Variants in DNAH8 observed in about 807,000 individuals in gnomAD.
The protein encoded by DNAH8 is axonemal beta dynein heavy chain 8.
Under a neutral mutation model 562.1 loss-of-function variants are expected in DNAH8, and 382 were observed. The observed-to-expected ratio is 0.68, with a 90% CI of 0.63 to 0.74. The LOEUF is 0.74. Ranked by LOEUF, DNAH8 falls within the 30% of genes least tolerant of loss-of-function variation. DNAH8 has a pLI of 0.00. For synonymous variants in DNAH8, 1,881 were observed against 1,919.4 expected (o/e 0.98, Z 0.52); for missense variants, 5,203 against 5,620.4 (o/e 0.93, Z 2.37).
chr6:38,868,470 A>G (rs747244063), intron 48 of DNAH8, among the ~76,000 whole-genome samples: 3 of 152,222 alleles, frequency 2.0e-5, no homozygotes, highest in Non-Finnish European at 4.4e-5. Context: ...GTTGTCTACC[A>G]TTATTCACAA....
chr6:38,812,296 C>G (rs117530310), intron 24 of DNAH8, among the ~76,000 whole-genome samples: 3 of 152,294 alleles, frequency 2.0e-5, no homozygotes, highest in East Asian at 1.9e-4. Context: ...TTCTCATGTC[C>G]TTTATCTCCC....
chr6:38,875,616 T>A lies in DNAH8; in HGVS notation c.7646T>A (p.Ile2549Asn), dbSNP rs1194541957. 6.2e-7 allele frequency: 1 copy of A among 1,610,986 alleles called. No homozygotes were observed. The highest frequency in any genetic ancestry group is 2.2e-5 in the East Asian group (1 of 44,792). ...TCTCTCAATCTTCTGGAAGGGTTAATTCCCTCCAAAGAAGAAGGCGGTGTT... is the reference window on the plus strand; with the variant it reads ...TCTCTCAATCTTCTGGAAGGGTTAAATCCCTCCAAAGAAGAAGGCGGTGTT... ...VQSLNLLEGL[I>N]PSKEEGGVSC... The change falls in exon 53 of 93, where the codon ATT becomes AAT. Residue 2549 changes from isoleucine to asparagine, a missense_variant. Physicochemically the swap from Ile to Asn is moderately radical, Grantham distance 149. Around this residue, in one of 6 missense-constraint regions of DNAH8, gnomAD observed 977 missense variants for 1,061.8 expected, o/e 0.92. Coordinates refer to ENST00000327475, the MANE Select transcript of DNAH8 (RefSeq NM_001206927.2).
rs1253362140 is a variant in DNAH8, at chr6:38,873,750, ACACACACACACACACACACC to A, written c.7620+376_7620+395del. On this transcript the variant is annotated intron_variant, in intron 52 of 92. Transcript: ENST00000327475. ...CCTACACACACACACACACACACACACACACACACACACACACACCCCTGCACTCCAGCTGGGGCGACAGA... is the reference window on the plus strand; with the variant it reads ...CCTACACACACACACACACACACACACCTGCACTCCAGCTGGGGCGACAGA... 1.0e-3 allele frequency among the ~76,000 whole-genome samples: 123 copies of A among 118,466 alleles called. 1 individual carries two copies. Among genetic ancestry groups the A allele is most frequent in the African/African-American group, 2.8e-3 (100 of 35,204 alleles). The allele number at this position is 118,466 out of a possible 152,430, so 77.7% of individuals were successfully genotyped here.
intron 57 of DNAH8, among the ~76,000 whole-genome samples, chr6:38,888,798 T>C (rs923179792): frequency 6.6e-6 from 1 of 152,236 alleles, no homozygotes; most frequent in Non-Finnish European, 1.5e-5. Context: ...TAGTGTCAGT[T>C]GCTACAAACC....
chr6:38,725,358 A>T (rs1164067679), intron 3 of DNAH8, among the ~76,000 whole-genome samples: 1 of 133,256 alleles, frequency 7.5e-6, no homozygotes, highest in African/African-American at 2.8e-5. Context: ...CCCTTGCTTG[A>T]TACAGTGCAT....
At chr6:38,728,609 C>G (rs1438819756) in intron 3 of DNAH8, among the ~76,000 whole-genome samples, 1 of 152,074 alleles carries the variant, frequency 6.6e-6, no homozygotes, top group African/African-American at 2.4e-5. Flanking sequence ...GCTTTTGTCC[C>G]TTTTAGGTGG....
chr6:38,921,620 C>T (rs955206567), intron 71 of DNAH8, 114 bp downstream of exon 71: 318 of 1,189,236 alleles, frequency 2.7e-4, no homozygotes, highest in Admixed American at 2.7e-4. Flanking sequence ...GCCAGCATGC[C>T]TATCTGCTTT....
chr6:38,914,392 CTTTTTTTTTTTTTTTTTT>C (rs66765653), intron 67 of DNAH8, among the ~76,000 whole-genome samples: 1 of 63,990 alleles, frequency 1.6e-5, no homozygotes, highest in Non-Finnish European at 2.7e-5. Flanking sequence ...TGCTTTTTCT[CTTTTTTTTTTTTTTTTTT>C]TTTTTTTTGA....
At chr6:39,013,886 G>A (rs1348790955) in intron 91 of DNAH8, among the ~76,000 whole-genome samples, 5 of 143,970 alleles carry the variant, frequency 3.5e-5, no homozygotes, top group Middle Eastern at 3.5e-3. Flanking sequence ...GAGAGAGAGA[G>A]AGAGAAGGCA....
At chr6:38,970,295 G>A (rs1279152162) in intron 82 of DNAH8, among the ~76,000 whole-genome samples, 1 of 152,130 alleles carries the variant, frequency 6.6e-6, no homozygotes. Flanking sequence ...CGATCCAGAG[G>A]CTCCTCCCAT....
intron 28 of DNAH8, 42 bp from the exon 29 acceptor site, chr6:38,826,114 T>C (rs1376484091): frequency 7.4e-7 from 1 of 1,358,838 alleles, no homozygotes; most frequent in Admixed American, 2.2e-5. Flanking sequence ...AGTTTCAGAA[T>C]GCCAGTTATA....
chr6:38,934,159 C>T (rs1241959236), intron 76 of DNAH8, among the ~76,000 whole-genome samples: 12 of 151,836 alleles, frequency 7.9e-5, no homozygotes, highest in Admixed American at 7.9e-4. Flanking sequence ...TTGAGACCAG[C>T]CTGGCCAACA....
chr6:38,799,597 A>G (rs1476074970), intron 21 of DNAH8, among the ~76,000 whole-genome samples: 1 of 152,150 alleles, frequency 6.6e-6, no homozygotes, highest in Non-Finnish European at 1.5e-5. Context: ...ATTTTTTAGC[A>G]GCCTTATTGA....
intron 53 of DNAH8, among the ~76,000 whole-genome samples, chr6:38,879,168 A>T (rs973717027): frequency 7.2e-5 from 11 of 152,320 alleles, no homozygotes; most frequent in African/African-American, 2.6e-4. Flanking sequence ...TAAGGAAGAA[A>T]TAATACCAAC....
intron 24 of DNAH8, among the ~76,000 whole-genome samples, chr6:38,809,980 C>G (rs927676379): frequency 1.3e-5 from 2 of 152,104 alleles, no homozygotes; most frequent in African/African-American, 4.8e-5. Flanking sequence ...TTGTTTCAGT[C>G]TCTTTACTTA....
chr6:38,917,028 A>G (rs1781358288), intron 68 of DNAH8, among the ~76,000 whole-genome samples: 1 of 152,222 alleles, frequency 6.6e-6, no homozygotes, highest in African/African-American at 2.4e-5. Context: ...TTTTAAACCA[A>G]TTCGTTGGGA....
chr6:38,878,173 T>C (rs1463267556), intron 53 of DNAH8, among the ~76,000 whole-genome samples: 1 of 152,134 alleles, frequency 6.6e-6, no homozygotes, highest in Non-Finnish European at 1.5e-5. Context: ...ATAGAACAAA[T>C]AGACAAAATT....
In DNAH8 at chr6:38,737,945, G is replaced by A. The variant is rs755432086; in HGVS notation, c.1089G>A (p.Leu363=). ...CTGTTCATCAGCTGGAGGAAGTGCT[G>A]ATGGTATGGTACAAACAGATCGAAC... is the stretch of plus-strand genomic sequence containing the variant. ...SETVHQLEEV[L]MVWYKQIEQV... The change falls in exon 7 of 93, where the codon CTG becomes CTA. Residue 363 remains leucine, a synonymous_variant. Transcript: ENST00000327475. 8.1e-6 allele frequency: 13 copies of A among 1,609,534 alleles called. No homozygotes were observed. Among genetic ancestry groups the A allele is most frequent in the Non-Finnish European group, 1.1e-5 (13 of 1,178,022 alleles).
At chr6:38,962,020 G>A (rs933677135) in intron 82 of DNAH8, among the ~76,000 whole-genome samples, 1 of 151,844 alleles carries the variant, frequency 6.6e-6, no homozygotes, top group African/African-American at 2.4e-5. Context: ...AAAAAATGAT[G>A]CTTTCTTGTA....
Sources: allele counts gnomAD v4.1 joint callset (sites outside exome capture counted in the v4.1 genomes callset), GRCh38; gene constraint gnomAD v4.1.1; regional missense constraint gnomAD v4.1.1; transcripts MANE v1.5; gene names NCBI Gene and HGNC (gene_info 2026-07-23, HGNC 2026-07-21).